TBC1D22A: variants seen among roughly 807,000 people sequenced by gnomAD.
The protein encoded by TBC1D22A is TBC1 domain family member 22A, also known as putative GTPase activator.
A neutral mutation model predicts 60.2 loss-of-function variants in TBC1D22A; 38 were observed. That is an observed-to-expected ratio of 0.63 (90% CI 0.49 to 0.83). The LOEUF (loss-of-function observed/expected upper bound fraction) is 0.83. Ranked by LOEUF, TBC1D22A falls within the 40% of genes least tolerant of loss-of-function variation. TBC1D22A has a pLI of 0.00. For missense variants in TBC1D22A, 628 were observed against 701.0 expected (o/e 0.90, Z 1.18); for synonymous variants, 302 against 281.7 (o/e 1.07, Z -0.72).
At chr22:46,968,541 C>T (rs1012489125) in intron 8 of TBC1D22A, among the ~76,000 whole-genome samples, 7 of 149,876 alleles carry the variant, frequency 4.7e-5, no homozygotes, top group African/African-American at 9.8e-5. Context: ...ACTGCGTGGC[C>T]GGCGGTCCTG....
rs559220377 is a variant in TBC1D22A, at chr22:47,161,833, C to T, written c.1426-11665C>T. Among the ~76,000 whole-genome samples, 28 of 152,364 alleles carry T rather than the reference C, an allele frequency of 1.8e-4. 1 individual carries two copies. In the South Asian group the frequency reaches 5.4e-3, roughly 29 times the overall value. Reference sequence around the variant, plus strand: ...CGTCCGCGAATACCCAGGGGCCCTTCGAGCATCCTCAGCTGTTGCCCAGAT... The same window carrying T: ...CGTCCGCGAATACCCAGGGGCCCTTTGAGCATCCTCAGCTGTTGCCCAGAT... On this transcript the variant is annotated intron_variant, in intron 12 of 12. Coordinates refer to ENST00000337137, the MANE Select transcript of TBC1D22A (RefSeq NM_014346.5).
intron 8 of TBC1D22A, among the ~76,000 whole-genome samples, chr22:46,938,785 C>T (rs1271851339): frequency 6.6e-6 from 1 of 151,880 alleles, no homozygotes; most frequent in African/African-American, 2.4e-5. Flanking sequence ...GGGGTTTCAC[C>T]ATGTTGGCCA....
intron 4 of TBC1D22A, among the ~76,000 whole-genome samples, chr22:46,870,748 G>A (rs2067258743): frequency 6.6e-6 from 1 of 152,186 alleles, no homozygotes; most frequent in African/African-American, 2.4e-5. Flanking sequence ...AAGGCAAAGG[G>A]CAAAACGGGA....
At chr22:46,945,669 C>G (rs2072491210) in intron 8 of TBC1D22A, among the ~76,000 whole-genome samples, 1 of 152,184 alleles carries the variant, frequency 6.6e-6, no homozygotes. Context: ...AGTCCTTCTG[C>G]CCTTTCCTCT....
intron 12 of TBC1D22A, among the ~76,000 whole-genome samples, chr22:47,140,914 A>G (rs552852782): frequency 1.3e-5 from 2 of 152,374 alleles, no homozygotes; most frequent in South Asian, 4.1e-4. Context: ...GGTCTGGCAT[A>G]CAGACTCCGG....
intron 9 of TBC1D22A, among the ~76,000 whole-genome samples, chr22:46,980,660 A>G (rs1312790556): frequency 6.8e-6 from 1 of 147,268 alleles, no homozygotes; most frequent in Non-Finnish European, 1.5e-5. Context: ...GCAGATTAAG[A>G]CATGGAAAGA....
intron 4 of TBC1D22A, among the ~76,000 whole-genome samples, chr22:46,822,023 C>T (rs542571893): frequency 1.3e-5 from 2 of 151,808 alleles, no homozygotes; most frequent in Admixed American, 6.6e-5. Flanking sequence ...TCTGCTTGGT[C>T]GATTCAGCTG....
At chr22:47,025,022 A>G (rs1159313139) in intron 10 of TBC1D22A, among the ~76,000 whole-genome samples, 2 of 152,254 alleles carry the variant, frequency 1.3e-5, no homozygotes, top group Non-Finnish European at 2.9e-5. Context: ...AAGTATCAAG[A>G]GGATCATTTC....
At chr22:46,929,528 A>G (rs1047298262) in intron 8 of TBC1D22A, among the ~76,000 whole-genome samples, 1 of 152,168 alleles carries the variant, frequency 6.6e-6, no homozygotes, top group African/African-American at 2.4e-5. Context: ...TAGATGCTTT[A>G]GTATTCACAC....
chr22:47,070,444 TCCCCTGTTGTTTGGTTGGAGC>T (rs1413130528), intron 11 of TBC1D22A, among the ~76,000 whole-genome samples: 50 of 106,562 alleles, frequency 4.7e-4, no homozygotes, highest in Admixed American at 5.8e-4. Flanking sequence ...TTGGACGCTG[TCCCCTGTTGTTTGGTTGGAGC>T]GGAGCTGACC....
chr22:46,909,312 ACT>A (rs1491310681), intron 7 of TBC1D22A, among the ~76,000 whole-genome samples: 5 of 129,054 alleles, frequency 3.9e-5, no homozygotes, highest in South Asian at 2.7e-4. Flanking sequence ...ACACACACAC[ACT>A]CACACACTCA....
At chr22:46,861,608 C>A (rs1337662427) in intron 4 of TBC1D22A, among the ~76,000 whole-genome samples, 2 of 152,240 alleles carry the variant, frequency 1.3e-5, no homozygotes, top group African/African-American at 4.8e-5. Flanking sequence ...GGGTGGCCAC[C>A]TGGGCCAGCG....
At chr22:47,060,747 G>T (rs1445247576) in intron 11 of TBC1D22A, among the ~76,000 whole-genome samples, 2 of 152,186 alleles carry the variant, frequency 1.3e-5, no homozygotes, top group African/African-American at 4.8e-5. Context: ...AATTACATAG[G>T]AGGAAAATGC....
intron 7 of TBC1D22A, among the ~76,000 whole-genome samples, chr22:46,898,806 C>T (rs1248794970): frequency 6.6e-6 from 1 of 152,184 alleles, no homozygotes; most frequent in Non-Finnish European, 1.5e-5. Context: ...CATCGTGTAG[C>T]CATCTTATTT....
intron 8 of TBC1D22A, among the ~76,000 whole-genome samples, chr22:46,913,176 G>A (rs1274499619): frequency 6.6e-6 from 1 of 152,170 alleles, no homozygotes; most frequent in Non-Finnish European, 1.5e-5. Flanking sequence ...GATAATAAAA[G>A]TGAGGATCTG....
chr22:46,875,289 A>C (rs892255557), intron 4 of TBC1D22A, among the ~76,000 whole-genome samples: 1 of 152,232 alleles, frequency 6.6e-6, no homozygotes, highest in African/African-American at 2.4e-5. Flanking sequence ...TAAATAGGAC[A>C]CAAAGGATAT....
At chr22:47,153,952 G>A (rs768179595) in intron 12 of TBC1D22A, among the ~76,000 whole-genome samples, 1 of 152,092 alleles carries the variant, frequency 6.6e-6, no homozygotes, top group Non-Finnish European at 1.5e-5. Flanking sequence ...TGGCTCTGAA[G>A]GTCCGCAGAA....
chr22:47,109,826 T>C (rs967300278), intron 11 of TBC1D22A, among the ~76,000 whole-genome samples: 1 of 152,010 alleles, frequency 6.6e-6, no homozygotes, highest in African/African-American at 2.4e-5. Flanking sequence ...GAATGTGTCT[T>C]CCCACAAGCT....
chr22:47,114,206 A>C (rs546112371), intron 12 of TBC1D22A, among the ~76,000 whole-genome samples: 8 of 151,416 alleles, frequency 5.3e-5, no homozygotes, highest in African/African-American at 1.9e-4. Flanking sequence ...CTTGAGATGA[A>C]GGGAGGACAG....
Sources: gnomAD v4.1 joint callset for allele counts (sites outside exome capture counted in the v4.1 genomes callset) on GRCh38, gnomAD v4.1.1 for gene constraint, MANE v1.5 for transcripts, NCBI Gene and HGNC (gene_info 2026-07-23, HGNC 2026-07-21) for gene names.